The following OR6N1 variants were observed in gnomAD, a reference collection of about 807,000 sequenced individuals.
OR6N1 encodes the protein olfactory receptor family 6 subfamily N member 1.
For missense variants in OR6N1, 394 were observed against 371.7 expected (o/e 1.06, Z -0.49); for synonymous variants, 170 against 150.7 (o/e 1.13, Z -0.94).
At chr1:158,828,044 T>C in the OR6N1 span, among the ~76,000 whole-genome samples, 2 of 152,188 alleles carry the variant, frequency 1.3e-5, no homozygotes, top group Admixed American at 6.5e-5. Flanking sequence ...TTTACTATTA[T>C]GAGAACAGCA....
the OR6N1 span, chr1:158,808,809 A>C: frequency 6.6e-6 from 1 of 152,434 alleles, no homozygotes; most frequent in African/African-American, 2.4e-5. Flanking sequence ...AAGTCACAAA[A>C]GTAATGGGCC....
At chr1:158,779,301 A>G in the OR6N1 span, among the ~76,000 whole-genome samples, 1 of 135,850 alleles carries the variant, frequency 7.4e-6, no homozygotes, top group Non-Finnish European at 1.6e-5. Context: ...ATCATACTGC[A>G]ATTGAAGAGA....
At chr1:158,790,119 G>A in the OR6N1 span, among the ~76,000 whole-genome samples, 1 of 152,094 alleles carries the variant, frequency 6.6e-6, no homozygotes, top group Non-Finnish European at 1.5e-5. Context: ...TATGTTCGTG[G>A]TGTATTTGTC....
the OR6N1 span, among the ~76,000 whole-genome samples, chr1:158,806,695 T>C: frequency 5.3e-5 from 8 of 152,200 alleles, no homozygotes; most frequent in Non-Finnish European, 1.0e-4. Flanking sequence ...ATGTAGTTTT[T>C]TTTTTAAAGG....
At chr1:158,798,692 A>C in the OR6N1 span, among the ~76,000 whole-genome samples, 1 of 152,166 alleles carries the variant, frequency 6.6e-6, no homozygotes, top group Admixed American at 6.6e-5. Flanking sequence ...ATGTGCCTCC[A>C]GTAGGTGGAC....
chr1:158,773,907 T>C (rs1657489754), upstream of OR6N1, among the ~76,000 whole-genome samples: 1 of 152,196 alleles, frequency 6.6e-6, no homozygotes. Context: ...AGTGCCTGCA[T>C]TGTTTAGCTT....
At chr1:158,768,720 T>G (rs191020803) in intron 1 of OR6N1, among the ~76,000 whole-genome samples, 2 of 152,354 alleles carry the variant, frequency 1.3e-5, no homozygotes, top group East Asian at 3.9e-4. Context: ...TGGATAGCTC[T>G]TTCATTTATT....
intron 1 of OR6N1, among the ~76,000 whole-genome samples, chr1:158,767,761 A>G (rs1373258224): frequency 6.6e-6 from 1 of 152,160 alleles, no homozygotes; most frequent in Non-Finnish European, 1.5e-5. Flanking sequence ...CCACTGCTCT[A>G]TTTCTTTCTA....
At chr1:158,777,814 CA>C in the OR6N1 span, among the ~76,000 whole-genome samples, 1 of 152,180 alleles carries the variant, frequency 6.6e-6, no homozygotes. Flanking sequence ...CTCTTATTAG[CA>C]CTTACTATTC....
the OR6N1 span, among the ~76,000 whole-genome samples, chr1:158,817,736 G>A: frequency 6.6e-6 from 1 of 152,166 alleles, no homozygotes; most frequent in Non-Finnish European, 1.5e-5. Context: ...ATACAGTCTA[G>A]TGCCCCCAAG....
chr1:158,765,598 A>G lies in OR6N1; in HGVS notation c.*146T>C. Reference sequence around the variant, plus strand: ...CAGCAGACAGTATGAAGGTCGCTATAACACTGGAAGTCAGTCAGCACTTGC... The same window carrying G: ...CAGCAGACAGTATGAAGGTCGCTATGACACTGGAAGTCAGTCAGCACTTGC... On this transcript the variant is annotated 3_prime_UTR_variant, in exon 2 of 2. Transcript: ENST00000641846. 1.5e-6 allele frequency: 1 copy of G among 687,306 alleles called. No individual in the cohort carries two copies. The highest frequency in any genetic ancestry group is 1.8e-5 in the South Asian group (1 of 54,116). 42.6% of individuals were successfully genotyped at this position (687,306 alleles called of 1,614,324 possible). A position where few individuals can be genotyped will look rare whatever the true frequency, so the allele number is the denominator to read the frequency against.
upstream of OR6N1, chr1:158,776,919 A>G: frequency 1.2e-6 from 2 of 1,614,056 alleles, no homozygotes; most frequent in Non-Finnish European, 1.7e-6. Flanking sequence ...AGGCACAGGT[A>G]GAAAAGGCCT....
intron 1 of OR6N1, among the ~76,000 whole-genome samples, chr1:158,769,923 C>T (rs1053866305): frequency 6.6e-6 from 1 of 152,178 alleles, no homozygotes; most frequent in African/African-American, 2.4e-5. Context: ...CTGTTTTCTT[C>T]AAGTCTTGAA....
At chr1:158,776,331 G>A (rs1657592604), upstream of OR6N1, 1 of 170,382 alleles carries the variant, frequency 5.9e-6, no homozygotes, top group Non-Finnish European at 1.2e-5. Flanking sequence ...GGAATGGGTT[G>A]AGAAGTGGAT....
the OR6N1 span, among the ~76,000 whole-genome samples, chr1:158,831,129 A>C: frequency 6.6e-6 from 1 of 152,204 alleles, no homozygotes; most frequent in Non-Finnish European, 1.5e-5. Context: ...CTTTATAAGA[A>C]AGTTCTGAGT....
chr1:158,810,948 TA>T, the OR6N1 span, among the ~76,000 whole-genome samples: 1 of 152,168 alleles, frequency 6.6e-6, no homozygotes, highest in African/African-American at 2.4e-5. Flanking sequence ...ACCTATGTCA[TA>T]GGGGTTCATT....
chr1:158,808,533 T>G, the OR6N1 span: 1 of 153,340 alleles, frequency 6.5e-6, no homozygotes, highest in East Asian at 1.9e-4. Flanking sequence ...AGCTTGTCTG[T>G]GCTCTCAGGT....
chr1:158,820,572 A>G, the OR6N1 span, among the ~76,000 whole-genome samples: 9,847 of 152,320 alleles, frequency 0.065, 435 homozygotes, highest in African/African-American at 0.12. Context: ...ATAGTTACAC[A>G]TATCATGCCT....
the OR6N1 span, among the ~76,000 whole-genome samples, chr1:158,810,102 G>C: frequency 6.6e-6 from 1 of 152,148 alleles, no homozygotes; most frequent in Non-Finnish European, 1.5e-5. Context: ...GAAGAGCCTT[G>C]AGCATTTGTT....
Sources: gnomAD v4.1 joint callset for allele counts (sites outside exome capture counted in the v4.1 genomes callset) on GRCh38, gnomAD v4.1.1 for gene constraint, MANE v1.5 for transcripts, NCBI Gene and HGNC (gene_info 2026-07-23, HGNC 2026-07-21) for gene names.